The following EPHA5 variants were observed in gnomAD, a reference collection of about 807,000 sequenced individuals.
EPHA5 encodes EPH receptor A5.
A neutral mutation model predicts 105.0 loss-of-function variants in EPHA5; 60 were observed. The ratio of observed to expected loss-of-function variants is 0.57; its 90% CI spans 0.46 to 0.71. The LOEUF is 0.71. Among genes scored for constraint, EPHA5 ranks in the 30% least tolerant of loss-of-function variants. EPHA5 has a pLI of 0.00. For synonymous variants in EPHA5, 513 were observed against 449.1 expected (o/e 1.14, Z -1.80); for missense variants, 1,218 against 1,274.7 (o/e 0.96, Z 0.68).
chr4:65,482,070 G>A (rs955834559), intron 5 of EPHA5, among the ~76,000 whole-genome samples: 1 of 152,122 alleles, frequency 6.6e-6, no homozygotes, highest in Non-Finnish European at 1.5e-5. Context: ...GGACGAGGCA[G>A]GTGTATCACC....
chr4:65,580,077 G>T (rs968215303), intron 3 of EPHA5, among the ~76,000 whole-genome samples: 3 of 151,764 alleles, frequency 2.0e-5, no homozygotes, highest in African/African-American at 7.3e-5. Context: ...TTTCAAGAAC[G>T]AGACTTAGAG....
At chr4:65,555,441 A>G (rs1382217039) in intron 3 of EPHA5, among the ~76,000 whole-genome samples, 1 of 152,048 alleles carries the variant, frequency 6.6e-6, no homozygotes, top group East Asian at 1.9e-4. Flanking sequence ...AAACTACCTA[A>G]TAGGTACTAA....
chr4:65,386,350 T>C (rs1251656748), intron 8 of EPHA5, among the ~76,000 whole-genome samples: 4 of 152,100 alleles, frequency 2.6e-5, no homozygotes, highest in South Asian at 2.1e-4. Context: ...AACGATGTTC[T>C]AGGTTGTGAA....
At chr4:65,393,183 G>C (rs1327097521) in intron 8 of EPHA5, among the ~76,000 whole-genome samples, 1 of 152,136 alleles carries the variant, frequency 6.6e-6, no homozygotes, top group Non-Finnish European at 1.5e-5. Flanking sequence ...AAAGAGTGTA[G>C]AGTGAGAGAT....
intron 3 of EPHA5, among the ~76,000 whole-genome samples, chr4:65,598,543 G>A (rs754058663): frequency 3.3e-5 from 5 of 152,134 alleles, no homozygotes; most frequent in Admixed American, 6.6e-5. Context: ...CAAGGTGTAT[G>A]TGGACTAACA....
At chr4:65,352,787 A>AT (rs3838635) in intron 12 of EPHA5, among the ~76,000 whole-genome samples, 94,794 of 146,062 alleles carry the variant, frequency 0.65, 32,745 homozygotes, top group East Asian at 0.93. Flanking sequence ...ACTTCTCTGC[A>AT]TTTTTTTTTT....
chr4:65,456,398 A>G (rs1372809431), intron 5 of EPHA5, among the ~76,000 whole-genome samples: 1 of 152,102 alleles, frequency 6.6e-6, no homozygotes, highest in East Asian at 1.9e-4. Context: ...CATTCTAAGC[A>G]TAATGTAGAA....
chr4:65,343,508 G>A (rs534703087), intron 14 of EPHA5, among the ~76,000 whole-genome samples: 1 of 152,164 alleles, frequency 6.6e-6, no homozygotes, highest in South Asian at 2.1e-4. Context: ...GATAGCATCT[G>A]GAATGTAGAG....
intron 3 of EPHA5, among the ~76,000 whole-genome samples, chr4:65,551,762 C>T (rs1737945566): frequency 1.3e-5 from 2 of 152,144 alleles, no homozygotes; most frequent in Non-Finnish European, 2.9e-5. Flanking sequence ...TGTTACACCA[C>T]TCAGTATTTA....
At chr4:65,358,259 A>G (rs1723499226) in intron 11 of EPHA5, among the ~76,000 whole-genome samples, 1 of 151,638 alleles carries the variant, frequency 6.6e-6, no homozygotes. Flanking sequence ...TAGCTCATCA[A>G]TAAACACATG....
chr4:65,331,845 GA>G, intron 16 of EPHA5, 127 bp downstream of exon 16: 1 of 1,426,046 alleles, frequency 7.0e-7, no homozygotes, highest in Non-Finnish European at 9.1e-7. Context: ...TAAAGATGAT[GA>G]GGCTTCTTTG....
At chr4:65,574,733 T>TATATATAC (rs1439756855) in intron 3 of EPHA5, among the ~76,000 whole-genome samples, 1,901 of 93,126 alleles carry the variant, frequency 0.02, 139 homozygotes, top group East Asian at 0.034. Flanking sequence ...TATATATACA[T>TATATATAC]ATATATATAC....
chr4:65,348,815 ATT>A lies in EPHA5; in HGVS notation c.2446-614_2446-613del, dbSNP rs10633855. 2.6e-3 allele frequency among the ~76,000 whole-genome samples: 167 copies of A among 64,106 alleles called. 3 individuals carry two copies. The highest frequency in any genetic ancestry group is 9.0e-3 in the African/African-American group (145 of 16,142). 42.1% of individuals were successfully genotyped at this position (64,106 alleles called of 152,430 possible). A position where few individuals can be genotyped will look rare whatever the true frequency, so the allele number is the denominator to read the frequency against. On this transcript the variant is annotated intron_variant, in intron 13 of 16. Coordinates refer to ENST00000613740, the MANE Select transcript of EPHA5 (RefSeq NM_001281766.3). ...TGTGTATATATATATATATATATATATTTTTTTTTTTTTTTTTTGAGACAGGG... is the reference window on the plus strand; with the variant it reads ...TGTGTATATATATATATATATATATATTTTTTTTTTTTTTTTGAGACAGGG...
chr4:65,381,183 A>G (rs1719525105), intron 8 of EPHA5, among the ~76,000 whole-genome samples: 2 of 151,778 alleles, frequency 1.3e-5, no homozygotes. Context: ...TGTAATATAC[A>G]TAAGGCTGAG....
At chr4:65,579,421 C>A (rs1433647776) in intron 3 of EPHA5, among the ~76,000 whole-genome samples, 2 of 148,726 alleles carry the variant, frequency 1.3e-5, no homozygotes, top group African/African-American at 4.9e-5. Flanking sequence ...CATTTGTCAT[C>A]TCAGGATTGT....
chr4:65,443,398 T>C (rs1726199538), intron 5 of EPHA5, among the ~76,000 whole-genome samples: 1 of 151,440 alleles, frequency 6.6e-6, no homozygotes. Context: ...GCATTTAATA[T>C]AGGGAGTTGT....
At chr4:65,329,090 C>T (rs1720356410) in intron 16 of EPHA5, among the ~76,000 whole-genome samples, 1 of 151,260 alleles carries the variant, frequency 6.6e-6, no homozygotes, top group Non-Finnish European at 1.5e-5. Context: ...AGCTGTGATT[C>T]TGTCCTTAAC....
At chr4:65,622,441 A>G (rs1745785734) in intron 2 of EPHA5, among the ~76,000 whole-genome samples, 2 of 152,288 alleles carry the variant, frequency 1.3e-5, no homozygotes, top group Non-Finnish European at 2.9e-5. Flanking sequence ...TTAGAAAACT[A>G]TTCAAGCGTT....
intron 5 of EPHA5, among the ~76,000 whole-genome samples, chr4:65,474,045 A>C (rs1299670035): frequency 6.7e-6 from 1 of 149,888 alleles, no homozygotes; most frequent in Admixed American, 6.7e-5. Context: ...GGGGAGGGAT[A>C]GCATTAGGAG....
Sources: gnomAD v4.1 joint callset for allele counts (sites outside exome capture counted in the v4.1 genomes callset) on GRCh38, gnomAD v4.1.1 for gene constraint, MANE v1.5 for transcripts, NCBI Gene and HGNC (gene_info 2026-07-23, HGNC 2026-07-21) for gene names.